ZNF500: variants seen among roughly 807,000 people sequenced by gnomAD.
ZNF500 encodes zinc finger protein with KRAB and SCAN domains 18.
Under a neutral mutation model 30.1 loss-of-function variants are expected in ZNF500, and 31 were observed. That is an observed-to-expected ratio of 1.03 (90% CI 0.77 to 1.39). The LOEUF (loss-of-function observed/expected upper bound fraction) is 1.39. Ranked by LOEUF, ZNF500 falls within the 40% of genes most tolerant of loss-of-function variation. The pLI is 0.00. For synonymous variants in ZNF500, 392 were observed against 282.0 expected (o/e 1.39, Z -3.91); for missense variants, 817 against 657.8 (o/e 1.24, Z -2.65).
At chr16:4,762,948 G>A in intron 2 of ZNF500, 192 bp from the exon 3 acceptor site, 1 of 985,332 alleles carries the variant, frequency 1.0e-6, no homozygotes, top group Non-Finnish European at 1.2e-6. Context: ...CTACTCCATG[G>A]TCTCTCCCTG....
rs1029527273 is a variant in ZNF500, at chr16:4,752,287, G to C, written c.*89C>G. On this transcript the variant is annotated 3_prime_UTR_variant, in exon 6 of 6. Coordinates refer to ENST00000219478, the MANE Select transcript of ZNF500 (RefSeq NM_021646.4). Reference sequence around the variant, plus strand: ...GGCCATGGGAGGAAACGGGCAGCTGGCAATGCTTTCGGACCAGGCTGTCTA... The same window carrying C: ...GGCCATGGGAGGAAACGGGCAGCTGCCAATGCTTTCGGACCAGGCTGTCTA... 2 of 1,429,862 alleles carry C rather than the reference G, an allele frequency of 1.4e-6. No homozygotes were observed. The highest frequency in any genetic ancestry group is 1.4e-5 in the African/African-American group (1 of 69,586). The allele number at this position is 1,429,862 out of a possible 1,614,324, so 88.6% of individuals were successfully genotyped here.
intron 2 of ZNF500, among the ~76,000 whole-genome samples, chr16:4,764,366 A>C (rs1421546968): frequency 6.6e-6 from 1 of 152,160 alleles, no homozygotes; most frequent in Non-Finnish European, 1.5e-5. Flanking sequence ...TCTCTACTAA[A>C]AATACAAAAA....
chr16:4,762,510 C>T (rs1190559525), intron 3 of ZNF500, 63 bp downstream of exon 3: 14 of 1,554,054 alleles, frequency 9.0e-6, no homozygotes, highest in Non-Finnish European at 1.2e-5. Context: ...CAGTCCACAC[C>T]CCAGTCACCT....
In ZNF500 at chr16:4,757,210, G is replaced by A. The variant is rs551915384; in HGVS notation, c.760+3282C>T. Reference sequence around the variant, plus strand: ...TTTGAGCAGCAGCAAGATTTATTACGAAGAGTGAAAGAACAAGTTTCCACA... The same window carrying A: ...TTTGAGCAGCAGCAAGATTTATTACAAAGAGTGAAAGAACAAGTTTCCACA... On this transcript the variant is annotated intron_variant, in intron 5 of 5. Coordinates refer to ENST00000219478, the MANE Select transcript of ZNF500 (RefSeq NM_021646.4). 2.0e-3 allele frequency among the ~76,000 whole-genome samples: 307 copies of A among 152,270 alleles called. 1 individual carries two copies. Among genetic ancestry groups the A allele is most frequent in the Middle Eastern group, 3.4e-3 (1 of 294 alleles).
chr16:4,760,434 G>A (rs2141843551), intron 5 of ZNF500, 58 bp downstream of exon 5: 1 of 1,519,808 alleles, frequency 6.6e-7, no homozygotes, highest in South Asian at 1.2e-5. Context: ...CGGAGCTGGT[G>A]CCTGACAGTT....
downstream of ZNF500, chr16:4,747,672 T>C: frequency 6.4e-7 from 1 of 1,557,764 alleles, no homozygotes; most frequent in Non-Finnish European, 8.7e-7. Context: ...GCGGGCTGAC[T>C]TGCCATGGAC....
downstream of ZNF500, chr16:4,746,994 G>A (rs1302075607): frequency 6.5e-7 from 1 of 1,542,880 alleles, no homozygotes. Context: ...GGGAGACGCA[G>A]AGGGGGCATC....
chr16:4,748,156 G>GT (rs1176443474), downstream of ZNF500: 2 of 151,632 alleles, frequency 1.3e-5, no homozygotes, highest in African/African-American at 2.4e-5. Flanking sequence ...AATACACGTG[G>GT]TTTTTTCTCT....
intron 2 of ZNF500, chr16:4,763,623 T>C: frequency 4.1e-6 from 4 of 985,324 alleles, no homozygotes; most frequent in Middle Eastern, 5.2e-4. Flanking sequence ...TAAGGGAGCG[T>C]AGTCCCCTTG....
Position 4,751,770 on chromosome 16 carries a change from T to C in ZNF500, c.*606A>G. The C allele has an allele frequency of 4.6e-6, 4 of 863,122 alleles. No individual in the cohort carries two copies. The highest frequency in any genetic ancestry group is 7.3e-6 in the Non-Finnish European group (4 of 544,968). The allele number at this position is 863,122 out of a possible 1,614,324, so 53.5% of individuals were successfully genotyped here. A position where few individuals can be genotyped will look rare whatever the true frequency, so the allele number is the denominator to read the frequency against. On this transcript the variant is annotated 3_prime_UTR_variant, in exon 6 of 6. Transcript: ENST00000219478. ...GCCCTACCAAAAAAGAGACTGGGCATGGCGGCACACACCTGTAACCCCAGC... is the reference window on the plus strand; with the variant it reads ...GCCCTACCAAAAAAGAGACTGGGCACGGCGGCACACACCTGTAACCCCAGC...
intron 2 of ZNF500, chr16:4,763,253 C>G (rs1450324993): frequency 2.3e-6 from 1 of 435,122 alleles, no homozygotes; most frequent in Non-Finnish European, 3.1e-6. Flanking sequence ...CAAAAATTAG[C>G]CAGGCATGGT....
chr16:4,748,567 T>G lies in ZNF500; in HGVS notation c.*3809A>C, dbSNP rs2082048056. The G allele has an allele frequency of 6.6e-6, 1 of 152,298 alleles. No individual in the cohort carries two copies. The highest frequency in any genetic ancestry group is 2.1e-4 in the South Asian group (1 of 4,836). The allele number at this position is 152,298 out of a possible 1,614,324, so 9.4% of individuals were successfully genotyped here. A position where few individuals can be genotyped will look rare whatever the true frequency, so the allele number is the denominator to read the frequency against. ...AAACTGGGGACATCTGCTTGCCCCCTGCCAAGACCCGGCCCCTCCACAGGA... is the reference window on the plus strand; with the variant it reads ...AAACTGGGGACATCTGCTTGCCCCCGGCCAAGACCCGGCCCCTCCACAGGA... On this transcript the variant is annotated 3_prime_UTR_variant, in exon 6 of 6. Transcript: ENST00000219478.
chr16:4,757,252 G>A (rs561393114), intron 5 of ZNF500, among the ~76,000 whole-genome samples: 13 of 152,276 alleles, frequency 8.5e-5, no homozygotes, highest in East Asian at 5.8e-4. Context: ...AAGGGGACCC[G>A]AACGGGTTGC....
chr16:4,754,881 T>C (rs762660855), intron 5 of ZNF500, among the ~76,000 whole-genome samples: 2 of 152,088 alleles, frequency 1.3e-5, no homozygotes, highest in Admixed American at 6.6e-5. Flanking sequence ...GGCAGATTTC[T>C]CATGAATGGT....
Position 4,765,660 on chromosome 16 carries a change from G to A in ZNF500, c.319C>T (p.Gln107Ter), listed in dbSNP as rs972104102. ...QFLTVLPGEI[Q>*]ARVREQQPES... ...GGCTGCTGCTCGCGTACCCGAGCCT[G>A]GATCTCCCCCGGCAGCACAGTCAGG... The change falls in exon 2 of 6, where the codon CAG becomes TAG. Residue 107 changes from glutamine (Q) to a stop codon, truncating the protein, a stop_gained. Coordinates refer to ENST00000219478, the MANE Select transcript of ZNF500 (RefSeq NM_021646.4). LOFTEE classifies it high-confidence loss of function. 6.2e-7 allele frequency: 1 copy of A among 1,613,662 alleles called. No individual in the cohort carries two copies. Among genetic ancestry groups the A allele is most frequent in the Non-Finnish European group, 8.5e-7 (1 of 1,179,984 alleles).
At position 4,748,910 on chromosome 16, in the gene ZNF500, C is replaced by A. The variant is rs1411105100; in HGVS notation, c.*3466G>T. 6.6e-6 allele frequency: 1 copy of A among 152,328 alleles called. No individual in the cohort carries two copies. Among genetic ancestry groups the A allele is most frequent in the Non-Finnish European group, 1.5e-5 (1 of 68,102 alleles). The allele number at this position is 152,328 out of a possible 1,614,324, so 9.4% of individuals were successfully genotyped here. A position where few individuals can be genotyped will look rare whatever the true frequency, so the allele number is the denominator to read the frequency against. ...TGGGCAGGGGTCTCTTCTCATCAAGCCTTGTACCAGGCAAAAGACAGGCCC... is the reference window on the plus strand; with the variant it reads ...TGGGCAGGGGTCTCTTCTCATCAAGACTTGTACCAGGCAAAAGACAGGCCC... On this transcript the variant is annotated 3_prime_UTR_variant, in exon 6 of 6. Coordinates refer to ENST00000219478, the MANE Select transcript of ZNF500 (RefSeq NM_021646.4).
At chr16:4,761,317 G>C (rs1422090628) in intron 4 of ZNF500, among the ~76,000 whole-genome samples, 3 of 151,964 alleles carry the variant, frequency 2.0e-5, no homozygotes, top group Admixed American at 2.0e-4. Context: ...GTGGGTGCCT[G>C]TAATCCCAGC....
chr16:4,751,748 C>T lies in ZNF500; in HGVS notation c.*628G>A. On this transcript the variant is annotated 3_prime_UTR_variant, in exon 6 of 6. Transcript: ENST00000219478. Reference sequence around the variant, plus strand: ...ACCCTAAACCCAGTGAGTGGTGGCCCTACCAAAAAAGAGACTGGGCATGGC... The same window carrying T: ...ACCCTAAACCCAGTGAGTGGTGGCCTTACCAAAAAAGAGACTGGGCATGGC... 4 of 1,128,580 alleles carry T rather than the reference C, an allele frequency of 3.5e-6. No homozygotes were observed. Among genetic ancestry groups the T allele is most frequent in the Non-Finnish European group, 2.6e-6 (2 of 782,310 alleles). 69.9% of individuals were successfully genotyped at this position (1,128,580 alleles called of 1,614,324 possible).
Position 4,748,723 on chromosome 16 carries a change from AG to A in ZNF500, c.*3652del, listed in dbSNP as rs1413388068. Reference sequence around the variant, plus strand: ...TGTTTGTCTCCCCAACCTTGTCTCCAGGATGTGTCCTGCTGTCTGCCCCGTG... The same window carrying A: ...TGTTTGTCTCCCCAACCTTGTCTCCAGATGTGTCCTGCTGTCTGCCCCGTG... On this transcript the variant is annotated 3_prime_UTR_variant, in exon 6 of 6. Transcript: ENST00000219478. 3.9e-5 allele frequency: 6 copies of A among 152,434 alleles called. No homozygotes were observed. The highest frequency in any genetic ancestry group is 7.3e-5 in the Non-Finnish European group (5 of 68,206). The allele number at this position is 152,434 out of a possible 1,614,324, so 9.4% of individuals were successfully genotyped here. A position where few individuals can be genotyped will look rare whatever the true frequency, so the allele number is the denominator to read the frequency against.
Sources: allele counts gnomAD v4.1 joint callset (sites outside exome capture counted in the v4.1 genomes callset), GRCh38; gene constraint gnomAD v4.1.1; transcripts MANE v1.5; gene names NCBI Gene and HGNC (gene_info 2026-07-23, HGNC 2026-07-21).